SLC39A11: variants seen among roughly 807,000 people sequenced by gnomAD.
SLC39A11 encodes the protein solute carrier family 39 member 11, also known as zinc transporter ZIP11.
SLC39A11 carries 33 observed loss-of-function variants against 36.1 expected under a neutral mutation model. The ratio of observed to expected loss-of-function variants is 0.91; its 90% CI spans 0.69 to 1.22. SLC39A11 has a LOEUF of 1.22. SLC39A11 is among the 50% of genes most tolerant of loss of function. The pLI is 0.00. For missense variants in SLC39A11, 432 were observed against 430.3 expected (o/e 1.00, Z -0.03); for synonymous variants, 166 against 170.3 (o/e 0.97, Z 0.20).
chr17:73,054,396 CA>C (rs772581051), intron 3 of SLC39A11, among the ~76,000 whole-genome samples: 19 of 151,508 alleles, frequency 1.3e-4, no homozygotes, highest in Non-Finnish European at 2.4e-4. Flanking sequence ...AACTCTAATG[CA>C]CACGCCACAT....
At position 72,920,520 on chromosome 17, in the gene SLC39A11, C is replaced by A. The variant is rs191661148; in HGVS notation, c.430+27232G>T. On this transcript the variant is annotated intron_variant, in intron 5 of 9. Transcript: ENST00000255559. ...CTGCTTCAGGTCCTTATAGAAATGC[C>A]ACCTTCTCAGATGTTCCCTAACCAT... is the stretch of plus-strand genomic sequence containing the variant. Among the ~76,000 whole-genome samples, 16 of 151,744 alleles carry A rather than the reference C, an allele frequency of 1.1e-4. No homozygotes were observed. In the East Asian group the frequency reaches 2.9e-3, roughly 28 times the overall value.
chr17:72,919,750 G>A (rs557674736), intron 5 of SLC39A11, among the ~76,000 whole-genome samples: 50 of 151,740 alleles, frequency 3.3e-4, no homozygotes, highest in Non-Finnish European at 6.0e-4. Flanking sequence ...ATGACCCCGC[G>A]TGGGGTGGAG....
chr17:72,647,826 C>A (rs934240471), intron 9 of SLC39A11, among the ~76,000 whole-genome samples, 164 bp from the exon 10 acceptor site: 4 of 152,090 alleles, frequency 2.6e-5, no homozygotes, highest in African/African-American at 9.7e-5. Flanking sequence ...ACTAATGAAC[C>A]ATGGAACCCC....
At chr17:72,699,051 G>A (rs553433278) in intron 7 of SLC39A11, among the ~76,000 whole-genome samples, 15 of 152,128 alleles carry the variant, frequency 9.9e-5, no homozygotes, top group Admixed American at 2.0e-4. Flanking sequence ...GGATGGTCTC[G>A]ATCTCCTGAC....
intron 4 of SLC39A11, among the ~76,000 whole-genome samples, chr17:73,010,276 T>C (rs1292808535): frequency 6.6e-6 from 1 of 152,164 alleles, no homozygotes; most frequent in Non-Finnish European, 1.5e-5. Flanking sequence ...AGACCCTTTC[T>C]CCCTTTTCAT....
chr17:72,819,501 C>T (rs988652569), intron 6 of SLC39A11, among the ~76,000 whole-genome samples: 11 of 151,454 alleles, frequency 7.3e-5, no homozygotes, highest in African/African-American at 2.7e-4. Context: ...GGGCAGATGG[C>T]CAATCCCACC....
intron 4 of SLC39A11, among the ~76,000 whole-genome samples, chr17:72,954,330 G>C (rs1311253239): frequency 6.6e-6 from 1 of 152,270 alleles, no homozygotes; most frequent in Non-Finnish European, 1.5e-5. Context: ...CAACAAGTCA[G>C]AGCTCCCTGA....
chr17:72,910,381 T>C (rs746700018), intron 5 of SLC39A11, among the ~76,000 whole-genome samples: 40 of 152,140 alleles, frequency 2.6e-4, no homozygotes, highest in Non-Finnish European at 4.7e-4. Context: ...CCCAGCACTT[T>C]GGGAGGCTGA....
intron 5 of SLC39A11, among the ~76,000 whole-genome samples, chr17:72,909,750 CTTTTT>C (rs56091262): frequency 1.4e-5 from 2 of 144,654 alleles, no homozygotes; most frequent in South Asian, 4.3e-4. Context: ...TTTCTTTTTT[CTTTTT>C]TTTTTTTTGA....
At chr17:72,947,577 G>T in intron 5 of SLC39A11, 175 bp downstream of exon 5, 2 of 850,742 alleles carry the variant, frequency 2.4e-6, no homozygotes, top group Non-Finnish European at 1.9e-6. Context: ...AAATGAAGGT[G>T]CTGGGCCAGA....
chr17:72,753,439 G>A (rs1338036942), intron 6 of SLC39A11, among the ~76,000 whole-genome samples: 6 of 152,138 alleles, frequency 3.9e-5, no homozygotes, highest in African/African-American at 1.2e-4. Context: ...GCAATTATAC[G>A]ATATGATTAA....
chr17:72,833,200 G>A (rs2078362836), intron 6 of SLC39A11, among the ~76,000 whole-genome samples: 1 of 152,098 alleles, frequency 6.6e-6, no homozygotes, highest in South Asian at 2.1e-4. Context: ...ATAGTCTGTG[G>A]CCAGGAAACA....
chr17:72,850,282 C>A (rs1250050860), intron 5 of SLC39A11, among the ~76,000 whole-genome samples: 1 of 151,938 alleles, frequency 6.6e-6, no homozygotes, highest in African/African-American at 2.4e-5. Flanking sequence ...AATCCCATCT[C>A]TACAAAAAAT....
chr17:72,975,017 G>A (rs1312161471), intron 4 of SLC39A11, among the ~76,000 whole-genome samples: 1 of 152,174 alleles, frequency 6.6e-6, no homozygotes, highest in African/African-American at 2.4e-5. Context: ...CTTTGTTTGG[G>A]TAAGTACACT....
chr17:72,655,099 C>G lies in SLC39A11; in HGVS notation c.672-5831G>C, dbSNP rs868014661. 7.2e-5 allele frequency among the ~76,000 whole-genome samples: 11 copies of G among 152,364 alleles called. No individual in the cohort carries two copies. The South Asian group carries it at 1.4e-3, about 20-fold the overall frequency. On this transcript the variant is annotated intron_variant, in intron 7 of 9. Transcript: ENST00000255559. ...CTCAGCAGGGCATTGCATTGCTGGGCGGTCAGAGTCCCTCCTGACACTCCT... is the reference window on the plus strand; with the variant it reads ...CTCAGCAGGGCATTGCATTGCTGGGGGGTCAGAGTCCCTCCTGACACTCCT...
intron 5 of SLC39A11, among the ~76,000 whole-genome samples, chr17:72,922,873 C>A (rs1036785290): frequency 7.1e-6 from 1 of 141,358 alleles, no homozygotes; most frequent in Non-Finnish European, 1.5e-5. Flanking sequence ...GAGGCTGAGG[C>A]ACGAGAATTC....
chr17:72,936,298 T>A (rs140638820), intron 5 of SLC39A11, among the ~76,000 whole-genome samples: 4 of 151,222 alleles, frequency 2.6e-5, no homozygotes, highest in African/African-American at 9.7e-5. Context: ...TCCGAGATGA[T>A]CCCAATGTGC....
chr17:72,837,186 A>C (rs2078591170), intron 6 of SLC39A11, among the ~76,000 whole-genome samples: 2 of 152,088 alleles, frequency 1.3e-5, no homozygotes, highest in Admixed American at 1.3e-4. Flanking sequence ...CTGTCCGCAG[A>C]CTTTTCAGCA....
In SLC39A11 at chr17:72,758,139, G is replaced by T. The variant is rs1242245078; in HGVS notation, c.602-21420C>A. 2.0e-5 allele frequency among the ~76,000 whole-genome samples: 3 copies of T among 152,124 alleles called. No individual in the cohort carries two copies. In the East Asian group the frequency reaches 5.8e-4, roughly 29 times the overall value. On this transcript the variant is annotated intron_variant, in intron 6 of 9. Transcript: ENST00000255559. ...GACCTCAGGTGATCCACTCGCCTCC[G>T]CCTCCCAAAGTGCTGGGATTATAAA...
Sources: allele counts gnomAD v4.1 joint callset (sites outside exome capture counted in the v4.1 genomes callset), GRCh38; gene constraint gnomAD v4.1.1; transcripts MANE v1.5; gene names NCBI Gene and HGNC (gene_info 2026-07-23, HGNC 2026-07-21).